Variants in ADGRL2 observed in about 807,000 individuals in gnomAD.
ADGRL2 encodes the protein adhesion G protein-coupled receptor L2, also known as calcium-independent alpha-latrotoxin receptor 2.
A neutral mutation model predicts 157.4 loss-of-function variants in ADGRL2; 44 were observed. The ratio of observed to expected loss-of-function variants is 0.28; its 90% CI spans 0.22 to 0.36. ADGRL2 has a LOEUF of 0.36. ADGRL2 is among the 10% of genes least tolerant of loss of function. ADGRL2 has a pLI of 1.00. For synonymous variants in ADGRL2, 585 were observed against 624.7 expected, an observed-to-expected ratio of 0.94 and a Z score of 0.95; for missense variants, 1,510 against 1,768.9, an observed-to-expected ratio of 0.85 and a Z score of 2.63.
intron 2 of ADGRL2, among the ~76,000 whole-genome samples, chr1:81,890,081 C>T (rs1257153205): frequency 6.6e-6 from 1 of 152,196 alleles, no homozygotes; most frequent in Non-Finnish European, 1.5e-5. Flanking sequence ...ACTAACTTGT[C>T]ATCCTGTCTC....
chr1:81,950,092 T>G (rs1651249449), intron 6 of ADGRL2, 97 bp from the exon 7 acceptor site: 4 of 931,740 alleles, frequency 4.3e-6, no homozygotes, highest in African/African-American at 3.3e-5. Context: ...GGGTAGGGTT[T>G]TGTGTGTGTG....
chr1:81,738,992 T>G (rs1457438714), intron 1 of ADGRL2, among the ~76,000 whole-genome samples: 1 of 152,226 alleles, frequency 6.6e-6, no homozygotes, highest in East Asian at 1.9e-4. Flanking sequence ...AGTGGCCTAG[T>G]GCCCTCCTGA....
At chr1:81,730,856 TCTTTA>T (rs1242403219) in intron 1 of ADGRL2, among the ~76,000 whole-genome samples, 1 of 152,238 alleles carries the variant, frequency 6.6e-6, no homozygotes, top group Non-Finnish European at 1.5e-5. Flanking sequence ...GTTGTTTCAT[TCTTTA>T]CTTAACATTA....
chr1:81,748,047 C>G (rs2085358222), intron 1 of ADGRL2, among the ~76,000 whole-genome samples: 1 of 152,080 alleles, frequency 6.6e-6, no homozygotes, highest in Non-Finnish European at 1.5e-5. Context: ...CAAATCTATC[C>G]TAGAATTTAA....
intron 2 of ADGRL2, among the ~76,000 whole-genome samples, chr1:81,897,213 A>G (rs887370185): frequency 1.3e-5 from 2 of 152,166 alleles, no homozygotes; most frequent in African/African-American, 4.8e-5. Flanking sequence ...AATGAGTGGA[A>G]CATCCTGTGC....
chr1:81,884,612 ACT>A (rs2094079823), intron 2 of ADGRL2, among the ~76,000 whole-genome samples: 2 of 152,052 alleles, frequency 1.3e-5, no homozygotes, highest in Admixed American at 6.6e-5. Flanking sequence ...ACATTCGGAA[ACT>A]CTTGTGACAT....
chr1:81,355,705 T>C (rs954966943), intron 1 of ADGRL2, among the ~76,000 whole-genome samples: 1 of 152,142 alleles, frequency 6.6e-6, no homozygotes. Flanking sequence ...AAGAGACTAT[T>C]AGAAGCAGGT....
intron 2 of ADGRL2, among the ~76,000 whole-genome samples, chr1:81,895,639 C>T (rs1309129839): frequency 6.6e-6 from 1 of 152,070 alleles, no homozygotes; most frequent in Non-Finnish European, 1.5e-5. Context: ...AGGTGATCCA[C>T]CTGCCTCGGC....
At chr1:81,710,801 C>T (rs556511646) in intron 1 of ADGRL2, among the ~76,000 whole-genome samples, 63 of 150,860 alleles carry the variant, frequency 4.2e-4, no homozygotes, top group Non-Finnish European at 7.7e-4. Flanking sequence ...TACTAGCCTT[C>T]TCAGATAAAT....
intron 1 of ADGRL2, among the ~76,000 whole-genome samples, chr1:81,349,273 T>G (rs1662700734): frequency 6.6e-6 from 1 of 152,190 alleles, no homozygotes. Context: ...CAGGTGCTGC[T>G]GCACAAATGC....
At position 81,634,808 on chromosome 1, in the gene ADGRL2, C is replaced by T. The variant is rs146431342; in HGVS notation, c.-143+53828C>T. On this transcript the variant is annotated intron_variant, in intron 3 of 24. Transcript: ENST00000370721. ...AAGTGCTGGGATTACAAGCATGAGC[C>T]GTCGCGCCTGGCCTATGTTAGCTTT... Among the ~76,000 whole-genome samples, 71 of 152,190 alleles carry T rather than the reference C, an allele frequency of 4.7e-4. 2 individuals carry two copies. The East Asian group carries it at 9.7e-3, about 21-fold the overall frequency.
In ADGRL2 at chr1:81,919,284, A is replaced by T. The variant is rs567967421; in HGVS notation, c.287+12054A>T. ...CTAGAATAACCCATTTTCGCAGTTT[A>T]TGTTAAATAAATGCTTGGCTTAAAG... On this transcript the variant is annotated intron_variant, in intron 3 of 23. Transcript: ENST00000686636. 3.7e-4 allele frequency among the ~76,000 whole-genome samples: 56 copies of T among 152,244 alleles called. No homozygotes were observed. In the South Asian group the frequency reaches 0.012, roughly 32 times the overall value.
chr1:81,396,821 A>T (rs1159811471), intron 1 of ADGRL2, among the ~76,000 whole-genome samples: 1 of 152,224 alleles, frequency 6.6e-6, no homozygotes, highest in Non-Finnish European at 1.5e-5. Flanking sequence ...TCCCTGGGAT[A>T]AATTCCACAT....
intron 3 of ADGRL2, among the ~76,000 whole-genome samples, chr1:81,913,516 A>T (rs575647461): frequency 6.6e-6 from 1 of 152,184 alleles, no homozygotes; most frequent in Non-Finnish European, 1.5e-5. Flanking sequence ...GAGGCAAGCC[A>T]TATAAATAGG....
intron 1 of ADGRL2, among the ~76,000 whole-genome samples, chr1:81,400,785 G>T (rs1028569607): frequency 1.3e-5 from 2 of 152,174 alleles, no homozygotes; most frequent in Middle Eastern, 3.4e-3. Context: ...AGAAAGAAGG[G>T]TATCTCAGCA....
At chr1:81,885,819 CT>C (rs1322800692) in intron 2 of ADGRL2, among the ~76,000 whole-genome samples, 2 of 152,302 alleles carry the variant, frequency 1.3e-5, no homozygotes, top group Admixed American at 1.3e-4. Context: ...TGAAGTCTGT[CT>C]TTTCTAAATT....
At chr1:81,789,913 C>G (rs1342381032) in intron 2 of ADGRL2, among the ~76,000 whole-genome samples, 1 of 151,972 alleles carries the variant, frequency 6.6e-6, no homozygotes, top group Non-Finnish European at 1.5e-5. Context: ...GTGTTCCAGG[C>G]TTTGACAACT....
At chr1:81,823,433 C>G (rs2091192075) in intron 1 of ADGRL2, among the ~76,000 whole-genome samples, 1 of 146,824 alleles carries the variant, frequency 6.8e-6, no homozygotes. Flanking sequence ...ACCTCTGTCC[C>G]TCTCTCCCTC....
intron 1 of ADGRL2, among the ~76,000 whole-genome samples, chr1:81,748,869 T>TCACCAA (rs1293917182): frequency 6.6e-6 from 1 of 152,022 alleles, no homozygotes; most frequent in Non-Finnish European, 1.5e-5. Flanking sequence ...GGTTTCACCA[T>TCACCAA]GTTGGCCAGG....
Sources: allele counts gnomAD v4.1 joint callset (sites outside exome capture counted in the v4.1 genomes callset), GRCh38; gene constraint gnomAD v4.1.1; transcripts MANE v1.5; gene names NCBI Gene and HGNC (gene_info 2026-07-23, HGNC 2026-07-21).